Variants in TTC6 observed in about 807,000 individuals in gnomAD.
TTC6 encodes the protein tetratricopeptide repeat protein 6.
In TTC6, 172 loss-of-function variants were observed where a neutral mutation model predicts 210.4. That is an observed-to-expected ratio of 0.82 (90% CI 0.72 to 0.93). The LOEUF (loss-of-function observed/expected upper bound fraction) is 0.93. Ranked by LOEUF, TTC6 falls within the 40% of genes least tolerant of loss-of-function variation. TTC6 has a pLI of 0.00. For synonymous variants in TTC6, 804 were observed against 819.6 expected, an observed-to-expected ratio of 0.98 and a Z score of 0.32; for missense variants, 2,414 against 2,318.1, an observed-to-expected ratio of 1.04 and a Z score of -0.85.
At position 37,724,878 on chromosome 14, in the gene TTC6, C is replaced by T; in HGVS notation, c.1714-20C>T. ...GCCATTTCTTACCATTTCTAATAAC[C>T]TTTTATGTTATTTTCAAAGATGTAT... On this transcript the variant is annotated intron_variant, in intron 6 of 30. Coordinates refer to ENST00000553443, the Ensembl canonical transcript of TTC6. 1 of 1,396,460 alleles carries T rather than the reference C, an allele frequency of 7.2e-7. No homozygotes were observed. The highest frequency in any genetic ancestry group is 1.4e-5 in the South Asian group (1 of 73,920). The allele number at this position is 1,396,460 out of a possible 1,614,324, so 86.5% of individuals were successfully genotyped here.
chr14:37,601,539 C>T (rs985132622), intron 1 of TTC6, among the ~76,000 whole-genome samples: 4 of 152,168 alleles, frequency 2.6e-5, no homozygotes, highest in Non-Finnish European at 5.9e-5. Flanking sequence ...CTTGATTCAG[C>T]TAGGTGCACT....
chr14:37,775,294 G>A (rs112685783), intron 14 of TTC6, among the ~76,000 whole-genome samples: 2 of 152,180 alleles, frequency 1.3e-5, no homozygotes, highest in African/African-American at 4.8e-5. Flanking sequence ...GCTCTTGATT[G>A]TCTAGTTCCT....
intron 4 of TTC6, among the ~76,000 whole-genome samples, chr14:37,698,551 G>A (rs1488490164): frequency 6.6e-6 from 1 of 152,102 alleles, no homozygotes; most frequent in African/African-American, 2.4e-5. Context: ...GGGAGTCCTG[G>A]CTTTCTGGAC....
At chr14:37,736,546 G>A (rs899331289) in intron 8 of TTC6, among the ~76,000 whole-genome samples, 3 of 152,054 alleles carry the variant, frequency 2.0e-5, no homozygotes, top group African/African-American at 7.2e-5. Context: ...TCATTCTTGT[G>A]TAGGTCTTCA....
chr14:37,834,253 GTTA>G (rs2096192704), intron 29 of TTC6, among the ~76,000 whole-genome samples: 1 of 147,612 alleles, frequency 6.8e-6, no homozygotes, highest in Admixed American at 6.9e-5. Flanking sequence ...GAACTTTTCA[GTTA>G]TTATTTTACT....
intron 14 of TTC6, among the ~76,000 whole-genome samples, chr14:37,760,167 C>A (rs926337373): frequency 2.6e-5 from 4 of 152,082 alleles, no homozygotes; most frequent in African/African-American, 9.7e-5. Flanking sequence ...GGCTGATGAC[C>A]TTTGGATGGG....
chr14:37,825,767 A>G (rs568367586), intron 27 of TTC6, among the ~76,000 whole-genome samples: 1 of 152,240 alleles, frequency 6.6e-6, no homozygotes, highest in South Asian at 2.1e-4. Context: ...TATTCAATAC[A>G]TATTTATGTT....
At chr14:37,739,178 A>G in intron 10 of TTC6, 23 bp downstream of exon 12, 4 of 1,467,444 alleles carry the variant, frequency 2.7e-6, no homozygotes, top group South Asian at 2.8e-5. Context: ...TGATTTTCTT[A>G]TAGTTTAAGA....
rs140099444 is a variant in TTC6, at chr14:37,757,248, T to C, written c.3266+4013T>C. Reference sequence around the variant, plus strand: ...GATTCTTCTCTTTTCTTCTTTATTTTAATTAATTAATTAATTAATTACTTT... The same window carrying C: ...GATTCTTCTCTTTTCTTCTTTATTTCAATTAATTAATTAATTAATTACTTT... On this transcript the variant is annotated intron_variant, in intron 14 of 30. Transcript: ENST00000553443. Among the ~76,000 whole-genome samples, 803 of 151,786 alleles carry C rather than the reference T, an allele frequency of 5.3e-3. 5 individuals carry two copies. The highest frequency in any genetic ancestry group is 0.017 in the Middle Eastern group (5 of 294).
intron 14 of TTC6, among the ~76,000 whole-genome samples, chr14:37,780,168 G>T (rs1238297710): frequency 6.6e-6 from 1 of 152,102 alleles, no homozygotes; most frequent in Non-Finnish European, 1.5e-5. Context: ...ATATTTTTTA[G>T]CAGTGAATAC....
intron 29 of TTC6, among the ~76,000 whole-genome samples, chr14:37,838,313 A>G (rs1387836596): frequency 6.6e-6 from 1 of 152,192 alleles, no homozygotes; most frequent in Non-Finnish European, 1.5e-5. Flanking sequence ...ATTGCTAGAA[A>G]TGTGATCAAG....
intron 1 of TTC6, among the ~76,000 whole-genome samples, chr14:37,602,611 G>A (rs796333780): frequency 7.9e-5 from 12 of 152,252 alleles, no homozygotes; most frequent in African/African-American, 2.9e-4. Flanking sequence ...CACCCCCACT[G>A]TCCCACCGGG....
At chr14:37,698,753 G>A (rs1022658730) in intron 4 of TTC6, among the ~76,000 whole-genome samples, 8 of 152,132 alleles carry the variant, frequency 5.3e-5, no homozygotes, top group Non-Finnish European at 5.9e-5. Context: ...CTGGCAATGG[G>A]TCAGGTGCTG....
chr14:37,645,042 T>C (rs1417902538), intron 1 of TTC6, among the ~76,000 whole-genome samples: 1 of 152,222 alleles, frequency 6.6e-6, no homozygotes, highest in Non-Finnish European at 1.5e-5. Flanking sequence ...TACGTACTAC[T>C]ACATTACATT....
chr14:37,795,707 T>C (rs534196230), intron 18 of TTC6, among the ~76,000 whole-genome samples: 2 of 152,264 alleles, frequency 1.3e-5, no homozygotes, highest in South Asian at 4.1e-4. Context: ...CATAAGCATG[T>C]GTACTAAACA....
Position 37,607,830 on chromosome 14 carries a change from A to G in TTC6, c.-155+1088A>G, listed in dbSNP as rs146282472. On this transcript the variant is annotated intron_variant, in intron 2 of 2. Transcript: ENST00000556845. ...TTTCTTGTAAAGGTGGAGTCTTGCT[A>G]TGTTGCTCAGAATGCTATATTTAAG... 2.8e-3 allele frequency among the ~76,000 whole-genome samples: 423 copies of G among 152,180 alleles called. 2 individuals are homozygous for G. The Middle Eastern group carries it at 0.044, about 16-fold the overall frequency.
intron 20 of TTC6, among the ~76,000 whole-genome samples, chr14:37,800,970 A>G (rs1047037644): frequency 1.3e-5 from 2 of 152,118 alleles, no homozygotes; most frequent in African/African-American, 4.8e-5. Flanking sequence ...AGGCAAGACT[A>G]GGAACCCACA....
chr14:37,808,780 C>T, exon 24 of TTC6: 1 of 1,525,470 alleles, frequency 6.6e-7, no homozygotes, highest in Non-Finnish European at 8.7e-7. Context: ...TCAGCATGGA[C>T]AAAAATAGTT....
chr14:37,735,905 T>A lies in TTC6; in HGVS notation c.1819-16T>A. On this transcript the variant is annotated splice_polypyrimidine_tract_variant and intron_variant, in intron 7 of 30. Transcript: ENST00000553443. ...ATTCCAAAACATAATTTAAAATTGT[T>A]ATCTTTTTATCACAGAGTGTTCAAG... 6.9e-7 allele frequency: 1 copy of A among 1,457,944 alleles called. No homozygotes were observed. Among genetic ancestry groups the A allele is most frequent in the Non-Finnish European group, 9.2e-7 (1 of 1,083,634 alleles). The allele number at this position is 1,457,944 out of a possible 1,614,324, so 90.3% of individuals were successfully genotyped here.
Sources: gnomAD v4.1 joint callset for allele counts (sites outside exome capture counted in the v4.1 genomes callset) on GRCh38, gnomAD v4.1.1 for gene constraint, MANE v1.5 for transcripts, NCBI Gene and HGNC (gene_info 2026-07-23, HGNC 2026-07-21) for gene names.